Variants in MBD5 observed in about 807,000 individuals in gnomAD.
MBD5 encodes methyl-CpG-binding domain protein 5.
A neutral mutation model predicts 117.3 loss-of-function variants in MBD5; 13 were observed. The ratio of observed to expected loss-of-function variants is 0.11; its 90% CI spans 0.07 to 0.18. MBD5 has a LOEUF of 0.18. Among genes scored for constraint, MBD5 ranks in the 10% least tolerant of loss-of-function variants. The pLI, the probability that MBD5 is intolerant of heterozygous loss-of-function variation, is 1.00. For synonymous variants in MBD5, 727 were observed against 766.4 expected (o/e 0.95, Z 0.85); for missense variants, 1,879 against 2,093.8 (o/e 0.90, Z 2.00).
intron 4 of MBD5, among the ~76,000 whole-genome samples, chr2:148,428,334 G>T (rs1457540762): frequency 6.6e-6 from 1 of 152,012 alleles, no homozygotes; most frequent in African/African-American, 2.4e-5. Flanking sequence ...CACTGCTCAA[G>T]GAAATAAGAG....
chr2:148,185,186 G>T (rs1698624827), intron 2 of MBD5, among the ~76,000 whole-genome samples: 1 of 152,148 alleles, frequency 6.6e-6, no homozygotes, highest in African/African-American at 2.4e-5. Context: ...CCACATATTT[G>T]AAGGACTGCC....
intron 2 of MBD5, among the ~76,000 whole-genome samples, chr2:148,197,721 G>C (rs1558968447): frequency 6.7e-6 from 1 of 150,350 alleles, no homozygotes; most frequent in Non-Finnish European, 1.5e-5. Context: ...ATGTGATTTA[G>C]TGTTTTCTTT....
chr2:148,154,314 G>A (rs1697793246), intron 1 of MBD5, among the ~76,000 whole-genome samples: 1 of 151,968 alleles, frequency 6.6e-6, no homozygotes, highest in Admixed American at 6.6e-5. Context: ...TGTGTGCTGG[G>A]AGAACCACTG....
intron 4 of MBD5, among the ~76,000 whole-genome samples, chr2:148,400,422 C>G (rs1399513348): frequency 1.3e-5 from 2 of 152,164 alleles, no homozygotes; most frequent in Non-Finnish European, 2.9e-5. Context: ...CTATTGCCAT[C>G]CTGGCCCTGG....
At chr2:148,033,107 A>G (rs1694087534) in intron 1 of MBD5, among the ~76,000 whole-genome samples, 1 of 152,208 alleles carries the variant, frequency 6.6e-6, no homozygotes, top group Non-Finnish European at 1.5e-5. Context: ...GAACAGAGTG[A>G]TAATGTCGAG....
intron 1 of MBD5, among the ~76,000 whole-genome samples, chr2:148,047,558 A>G (rs897847169): frequency 1.3e-5 from 2 of 152,230 alleles, no homozygotes; most frequent in Non-Finnish European, 2.9e-5. Flanking sequence ...AAGTGCCTTG[A>G]TAAATGTTTG....
intron 2 of MBD5, among the ~76,000 whole-genome samples, chr2:148,223,414 TTATTA>T: frequency 6.6e-6 from 1 of 152,258 alleles, no homozygotes; most frequent in Non-Finnish European, 1.5e-5. Flanking sequence ...CTGGGAGACT[TTATTA>T]CAGCTTCAAT....
At chr2:148,075,329 T>G (rs1695480706) in intron 1 of MBD5, among the ~76,000 whole-genome samples, 1 of 152,310 alleles carries the variant, frequency 6.6e-6, no homozygotes, top group African/African-American at 2.4e-5. Context: ...AGAATGAGGG[T>G]CTAGAACCCT....
At chr2:148,381,847 C>G (rs1263932798) in intron 4 of MBD5, among the ~76,000 whole-genome samples, 1 of 152,108 alleles carries the variant, frequency 6.6e-6, no homozygotes, top group African/African-American at 2.4e-5. Flanking sequence ...AATTTCATAT[C>G]TAGCCAAACT....
intron 3 of MBD5, chr2:148,243,913 A>T (rs968231082): frequency 2.0e-5 from 3 of 151,902 alleles, no homozygotes; most frequent in African/African-American, 7.3e-5. Context: ...TCTATAGAAA[A>T]ATCTGGCTAT....
rs376396648 is a variant in MBD5 at position 148,489,862 on chromosome 2, C to T, written c.4230C>T (p.Asn1410=). The T allele has an allele frequency of 1.2e-5, 20 of 1,613,798 alleles. 1 individual carries two copies. Among genetic ancestry groups the T allele is most frequent in the South Asian group, 5.5e-5 (5 of 91,056 alleles). ...PKNLDHGKNV[N]EGDGFEYFKS... Reference sequence around the variant, plus strand: ...ATCTAGACCATGGGAAAAATGTGAACGAAGGAGATGGGTTTGAATATTTCA... The same window carrying T: ...ATCTAGACCATGGGAAAAATGTGAATGAAGGAGATGGGTTTGAATATTTCA... Residue 1410 remains asparagine (N), a synonymous_variant, in exon 11 of 14, where the codon AAC becomes AAT. Transcript: ENST00000642680.
chr2:148,492,391 A>G (rs1050083630), intron 11 of MBD5, among the ~76,000 whole-genome samples: 1 of 152,030 alleles, frequency 6.6e-6, no homozygotes, highest in Non-Finnish European at 1.5e-5. Flanking sequence ...ATTCTCAAGT[A>G]AAAACCTTTA....
At position 148,227,722 on chromosome 2, in the gene MBD5, C is replaced by A. The variant is rs192244939; in HGVS notation, c.-830-5523C>A. 3.6e-3 allele frequency among the ~76,000 whole-genome samples: 547 copies of A among 152,188 alleles called. 2 individuals carry two copies. The highest frequency in any genetic ancestry group is 0.013 in the African/African-American group (530 of 41,540). ...CCTTGGGCAGTGTGGCCATTTTCAC[C>A]ATATTGATTCTTCCTACCCATGAGC... On this transcript the variant is annotated intron_variant, in intron 2 of 13. Coordinates refer to ENST00000642680, the MANE Select transcript of MBD5 (RefSeq NM_001378120.1).
chr2:148,361,910 A>G (rs1703547178), intron 4 of MBD5, among the ~76,000 whole-genome samples: 1 of 152,204 alleles, frequency 6.6e-6, no homozygotes, highest in Non-Finnish European at 1.5e-5. Context: ...CCCCTAGCCA[A>G]GGGAAGACAG....
chr2:148,423,480 C>T (rs1705675218), intron 4 of MBD5, among the ~76,000 whole-genome samples: 1 of 152,110 alleles, frequency 6.6e-6, no homozygotes, highest in Admixed American at 6.5e-5. Context: ...AAATAAAATA[C>T]TTTACAGACA....
At chr2:148,509,269 A>G (rs1377645576) in intron 12 of MBD5, among the ~76,000 whole-genome samples, 2 of 152,234 alleles carry the variant, frequency 1.3e-5, no homozygotes, top group Non-Finnish European at 2.9e-5. Context: ...GGATGGGCAA[A>G]GTGTACATAA....
intron 1 of MBD5, among the ~76,000 whole-genome samples, chr2:148,039,120 T>C (rs1694284999): frequency 6.6e-6 from 1 of 152,106 alleles, no homozygotes; most frequent in Non-Finnish European, 1.5e-5. Flanking sequence ...ATCTGTCATC[T>C]CAAAAATAGA....
At chr2:148,345,193 TGTATATAC>T (rs1703058826) in intron 4 of MBD5, among the ~76,000 whole-genome samples, 1 of 150,218 alleles carries the variant, frequency 6.7e-6, no homozygotes, top group African/African-American at 2.4e-5. Flanking sequence ...TGTGTGTGTG[TGTATATAC>T]GTATATATGT....
At chr2:148,363,497 T>TG (rs1703602627) in intron 4 of MBD5, among the ~76,000 whole-genome samples, 1 of 152,108 alleles carries the variant, frequency 6.6e-6, no homozygotes, top group South Asian at 2.1e-4. Flanking sequence ...CCTCCCAAAG[T>TG]GCTGGGATTA....
Sources: allele counts gnomAD v4.1 joint callset (sites outside exome capture counted in the v4.1 genomes callset), GRCh38; gene constraint gnomAD v4.1.1; transcripts MANE v1.5; gene names NCBI Gene and HGNC (gene_info 2026-07-23, HGNC 2026-07-21).